DGKB: variants seen among roughly 807,000 people sequenced by gnomAD.
The protein encoded by DGKB is 90 kDa diacylglycerol kinase.
DGKB carries 67 observed loss-of-function variants against 114.3 expected under a neutral mutation model. That is an observed-to-expected ratio of 0.59 (90% CI 0.48 to 0.72). The LOEUF (loss-of-function observed/expected upper bound fraction) is 0.72, where lower values mean the gene tolerates loss of function less well. DGKB is among the 30% of genes least tolerant of loss of function. The pLI, the probability that DGKB is intolerant of heterozygous loss-of-function variation, is 0.00. For synonymous variants in DGKB, 398 were observed against 323.1 expected, an observed-to-expected ratio of 1.23 and a Z score of -2.49; for missense variants, 907 against 975.2, an observed-to-expected ratio of 0.93 and a Z score of 0.93.
intron 1 of DGKB, among the ~76,000 whole-genome samples, chr7:14,884,303 GA>G (rs1342317829): frequency 2.6e-5 from 4 of 151,710 alleles, no homozygotes; most frequent in Non-Finnish European, 4.4e-5. Flanking sequence ...TATTGAAACG[GA>G]ACCATTTAAC....
chr7:14,822,446 C>G (rs1845074890), intron 2 of DGKB, among the ~76,000 whole-genome samples: 1 of 152,020 alleles, frequency 6.6e-6, no homozygotes, highest in Admixed American at 6.6e-5. Flanking sequence ...AGAAGCGAGA[C>G]AGTTGAGGAT....
At chr7:14,224,790 G>A (rs1387766669) in intron 23 of DGKB, among the ~76,000 whole-genome samples, 1 of 151,960 alleles carries the variant, frequency 6.6e-6, no homozygotes, top group East Asian at 1.9e-4. Context: ...TGCAATGATA[G>A]TGACTTTTTC....
At chr7:14,224,234 A>G (rs187727102) in intron 23 of DGKB, among the ~76,000 whole-genome samples, 28 of 151,938 alleles carry the variant, frequency 1.8e-4, no homozygotes, top group Non-Finnish European at 3.2e-4. Flanking sequence ...TATAATCTTT[A>G]CTGATCAATT....
intron 1 of DGKB, among the ~76,000 whole-genome samples, chr7:14,930,822 G>A (rs112084155): frequency 0.011 from 1,684 of 152,258 alleles, 16 homozygotes; most frequent in Non-Finnish European, 0.018. Context: ...TCCCTGTTCA[G>A]TATGATGTTG....
intron 21 of DGKB, among the ~76,000 whole-genome samples, chr7:14,411,757 C>T (rs939493697): frequency 7.2e-6 from 1 of 139,016 alleles, no homozygotes; most frequent in Admixed American, 7.4e-5. Context: ...ATCTTTCTCC[C>T]CTACCTCTTT....
chr7:14,905,607 G>A (rs909948579), upstream of DGKB, among the ~76,000 whole-genome samples: 13 of 152,012 alleles, frequency 8.6e-5, no homozygotes, highest in South Asian at 1.7e-3. Flanking sequence ...ATATAGAAAC[G>A]AATCATATTA....
upstream of DGKB, among the ~76,000 whole-genome samples, chr7:14,908,059 C>G (rs1783798299): frequency 6.6e-6 from 1 of 152,148 alleles, no homozygotes; most frequent in Admixed American, 6.6e-5. Flanking sequence ...ATTTATTTGG[C>G]TGTCTCAGTG....
intron 3 of DGKB, among the ~76,000 whole-genome samples, chr7:14,757,132 G>A (rs756219622): frequency 2.6e-5 from 4 of 152,026 alleles, no homozygotes; most frequent in East Asian, 1.9e-4. Flanking sequence ...TTAAGGTGAC[G>A]GACCAGGTAT....
intron 1 of DGKB, among the ~76,000 whole-genome samples, chr7:14,852,486 T>TCAAAAAAAAAAAAAAAAAAAAAAAAAA (rs948693044): frequency 1.3e-4 from 1 of 7,776 alleles, no homozygotes; most frequent in African/African-American, 3.2e-4. Flanking sequence ...ATAGTGAAAG[T>TCAAAAAAAAAAAAAAAAAAAAAAAAAA]CAAAAAAAAA....
chr7:14,170,006 T>C (rs888527378), intron 25 of DGKB, among the ~76,000 whole-genome samples: 7 of 151,380 alleles, frequency 4.6e-5, no homozygotes, highest in Admixed American at 3.9e-4. Context: ...TGGTGGCACA[T>C]GCCTGTAATC....
intron 23 of DGKB, chr7:14,192,141 G>T: frequency 3.2e-6 from 1 of 316,626 alleles, no homozygotes. Flanking sequence ...AGAAATAAAA[G>T]GCATCCAAAC....
intron 20 of DGKB, among the ~76,000 whole-genome samples, chr7:14,481,381 G>T (rs1356864254): frequency 6.6e-6 from 1 of 151,890 alleles, no homozygotes; most frequent in Non-Finnish European, 1.5e-5. Context: ...TATGTATTGA[G>T]ATCCCAGAGC....
intron 20 of DGKB, among the ~76,000 whole-genome samples, chr7:14,572,513 A>C (rs1181187395): frequency 6.6e-6 from 1 of 152,068 alleles, no homozygotes; most frequent in African/African-American, 2.4e-5. Context: ...CTCCAAATAG[A>C]AAACGTTAAT....
chr7:14,391,950 G>C (rs7803723), intron 21 of DGKB, among the ~76,000 whole-genome samples: 18,369 of 152,022 alleles, frequency 0.12, 3,625 homozygotes, highest in African/African-American at 0.41. Context: ...GATTTTTCAT[G>C]TTTGATTATA....
In DGKB at chr7:14,685,273, G is replaced by A. The variant is rs748583715; in HGVS notation, c.801C>T (p.Gly267=). ...AACAGCAGAGGCCCTGCTTCCCCAC[G>A]CCAATCAGCATGTTCAGGCAAAGGT... is the stretch of plus-strand genomic sequence containing the variant. ...YCNLCLNMLI[G]VGKQGLCCSF... is the part of the protein sequence containing the mutation. Residue 267 remains glycine, a synonymous_variant, in exon 10 of 26, where the codon GGC becomes GGT. Transcript: ENST00000402815. The A allele has an allele frequency of 1.9e-5, 31 of 1,613,514 alleles. No homozygotes were observed. Among genetic ancestry groups the A allele is most frequent in the Non-Finnish European group, 2.1e-5 (25 of 1,179,634 alleles).
At chr7:14,555,034 T>C (rs978000248) in intron 20 of DGKB, among the ~76,000 whole-genome samples, 2 of 152,166 alleles carry the variant, frequency 1.3e-5, no homozygotes, top group African/African-American at 4.8e-5. Context: ...AGTTTTCCTG[T>C]TCCGGATGAT....
chr7:14,293,054 T>C (rs1312606202), intron 23 of DGKB, among the ~76,000 whole-genome samples: 2 of 152,200 alleles, frequency 1.3e-5, no homozygotes, highest in Admixed American at 6.6e-5. Flanking sequence ...ATTCACTGGA[T>C]ACATATTGAC....
At chr7:14,169,466 A>G (rs1304808960) in intron 25 of DGKB, among the ~76,000 whole-genome samples, 1 of 152,130 alleles carries the variant, frequency 6.6e-6, no homozygotes, top group Non-Finnish European at 1.5e-5. Context: ...AGAAGAATGA[A>G]TCTATTTCTA....
intron 25 of DGKB, among the ~76,000 whole-genome samples, chr7:14,155,385 T>C (rs1211405161): frequency 6.6e-6 from 1 of 152,060 alleles, no homozygotes; most frequent in Non-Finnish European, 1.5e-5. Flanking sequence ...ATAGAAGATA[T>C]GTGATGGTAG....
Sources: allele counts gnomAD v4.1 joint callset (sites outside exome capture counted in the v4.1 genomes callset), GRCh38; gene constraint gnomAD v4.1.1; transcripts MANE v1.5; gene names NCBI Gene and HGNC (gene_info 2026-07-23, HGNC 2026-07-21).